Variants in GRIK2 observed in about 807,000 individuals in gnomAD.
The protein encoded by GRIK2 is glutamate receptor ionotropic, kainate 2.
GRIK2 carries 32 observed loss-of-function variants against 100.3 expected under a neutral mutation model. The ratio of observed to expected loss-of-function variants is 0.32; its 90% CI spans 0.24 to 0.43. The LOEUF is 0.43. Ranked by LOEUF, GRIK2 falls within the 20% of genes least tolerant of loss-of-function variation. The pLI, the probability that GRIK2 is intolerant of heterozygous loss-of-function variation, is 1.00. For synonymous variants in GRIK2, 417 were observed against 389.4 expected (o/e 1.07, Z -0.83); for missense variants, 843 against 1,114.9 (o/e 0.76, Z 3.47).
At chr6:101,541,869 T>A (rs1776015087) in intron 2 of GRIK2, among the ~76,000 whole-genome samples, 1 of 151,862 alleles carries the variant, frequency 6.6e-6, no homozygotes, top group Non-Finnish European at 1.5e-5. Context: ...TCTTTTATTC[T>A]CCCACTCTCC....
intron 7 of GRIK2, 143 bp from the exon 8 acceptor site, chr6:101,799,505 T>C: frequency 1.6e-6 from 1 of 635,734 alleles, no homozygotes; most frequent in East Asian, 2.6e-5. Flanking sequence ...CGAGAGCATG[T>C]TAGAGATAAC....
Position 101,494,016 on chromosome 6 carries a change from TA to T in GRIK2, c.115+94629del, listed in dbSNP as rs1371191410. 2.1e-4 allele frequency among the ~76,000 whole-genome samples: 21 copies of T among 100,302 alleles called. No individual in the cohort carries two copies. The East Asian group carries it at 3.4e-3, about 16-fold the overall frequency. 65.8% of individuals were successfully genotyped at this position (100,302 alleles called of 152,430 possible). On this transcript the variant is annotated intron_variant, in intron 2 of 16. Transcript: ENST00000369134. ...ATTATAAAAATGTATATATTATATA[TA>T]AAAATTATATATATAATTTATTATA... is the stretch of plus-strand genomic sequence containing the variant.
intron 14 of GRIK2, among the ~76,000 whole-genome samples, chr6:101,992,312 C>T (rs1159876994): frequency 6.6e-6 from 1 of 151,362 alleles, no homozygotes; most frequent in African/African-American, 2.4e-5. Flanking sequence ...TCTACGTTCT[C>T]AAAGTAAAAA....
At chr6:101,464,454 C>T (rs1489938945) in intron 2 of GRIK2, among the ~76,000 whole-genome samples, 1 of 147,066 alleles carries the variant, frequency 6.8e-6, no homozygotes, top group South Asian at 2.2e-4. Flanking sequence ...TTATAAGTCA[C>T]TGCATTGTGC....
At chr6:101,732,196 A>G (rs1775317438) in intron 7 of GRIK2, among the ~76,000 whole-genome samples, 1 of 151,968 alleles carries the variant, frequency 6.6e-6, no homozygotes, top group Non-Finnish European at 1.5e-5. Flanking sequence ...AATCTAATCA[A>G]TTGATCTAGT....
chr6:101,511,320 G>A (rs1774300823), intron 2 of GRIK2, among the ~76,000 whole-genome samples: 1 of 152,070 alleles, frequency 6.6e-6, no homozygotes, highest in African/African-American at 2.4e-5. Context: ...CTTGGTCTTG[G>A]CTTCCTTGTT....
chr6:101,799,301 G>T (rs1780526917), intron 7 of GRIK2, among the ~76,000 whole-genome samples: 1 of 151,642 alleles, frequency 6.6e-6, no homozygotes, highest in East Asian at 1.9e-4. Flanking sequence ...GTGTGTGTGT[G>T]TGTGTATAAG....
At chr6:101,729,591 T>C (rs1702822424) in intron 7 of GRIK2, among the ~76,000 whole-genome samples, 1 of 152,004 alleles carries the variant, frequency 6.6e-6, no homozygotes, top group African/African-American at 2.4e-5. Context: ...AATGTCCTTA[T>C]TTACTAACTG....
rs771884562 is a variant in GRIK2, at chr6:102,055,342, G to A, written c.2324G>A (p.Arg775Gln). 1.9e-6 allele frequency: 3 copies of A among 1,609,848 alleles called. No individual in the cohort carries two copies. Among genetic ancestry groups the A allele is most frequent in the South Asian group, 2.2e-5 (2 of 90,842 alleles). Residue 775 changes from arginine (R) to glutamine (Q), a missense_variant, in exon 16 of 17, where the codon CGA (arginine) becomes CAA (glutamine). Transcript: ENST00000369134. The part of the protein sequence containing the change: ...GVGTPMGSPY[R>Q]DKITIAILQL... The stretch of plus-strand genomic sequence containing the variant: ...TCTCCTTTCTTAGGTTCTCCATATC[G>A]AGACAAAATTACCATAGCAATTCTT...
chr6:101,623,764 C>A (rs1780294805), intron 3 of GRIK2, among the ~76,000 whole-genome samples: 2 of 152,102 alleles, frequency 1.3e-5, no homozygotes, highest in Admixed American at 1.3e-4. Flanking sequence ...TCCATCATTT[C>A]ACTTTGGCTT....
intron 3 of GRIK2, among the ~76,000 whole-genome samples, chr6:101,624,083 T>A (rs922592518): frequency 2.0e-5 from 3 of 152,122 alleles, no homozygotes; most frequent in African/African-American, 7.2e-5. Flanking sequence ...TTTTTTTCTG[T>A]TATAGTTTTA....
Position 101,591,462 on chromosome 6 carries a change from A to G in GRIK2, c.116-30487A>G, listed in dbSNP as rs569755559. ...TATTGAGGTATTTCTCATGTTTCCA[A>G]TGAAATATTAAACTATGAACCTTTG... On this transcript the variant is annotated intron_variant, in intron 2 of 16. Transcript: ENST00000369134. Among the ~76,000 whole-genome samples the G allele has an allele frequency of 1.5e-3, 231 of 152,108 alleles. 1 individual carries two copies. The highest frequency in any genetic ancestry group is 2.4e-3 in the Non-Finnish European group (161 of 67,970).
intron 7 of GRIK2, among the ~76,000 whole-genome samples, chr6:101,698,994 G>A (rs927639666): frequency 4.6e-5 from 7 of 152,122 alleles, no homozygotes; most frequent in African/African-American, 1.7e-4. Context: ...ACATTCCTGT[G>A]ATAAGTCAAA....
intron 14 of GRIK2, among the ~76,000 whole-genome samples, chr6:102,028,285 A>G (rs987150726): frequency 2.9e-4 from 44 of 151,242 alleles, no homozygotes; most frequent in African/African-American, 1.0e-3. Context: ...ATTTTTGACA[A>G]AAATACATTA....
chr6:101,622,188 A>G (rs1582842266), intron 3 of GRIK2, 72 bp downstream of exon 3: 1 of 843,644 alleles, frequency 1.2e-6, no homozygotes, highest in East Asian at 2.5e-5. Flanking sequence ...AGATTTTTTT[A>G]TTTTTCAACA....
At chr6:101,918,428 T>G (rs117410440) in intron 12 of GRIK2, among the ~76,000 whole-genome samples, 9 of 151,872 alleles carry the variant, frequency 5.9e-5, no homozygotes, top group Non-Finnish European at 8.9e-5. Flanking sequence ...TTAGCTTTTT[T>G]TTCAAAAAAT....
chr6:101,676,039 A>G (rs187934476), intron 4 of GRIK2, among the ~76,000 whole-genome samples: 30 of 152,322 alleles, frequency 2.0e-4, no homozygotes, highest in African/African-American at 7.0e-4. Flanking sequence ...CACAGTGTTC[A>G]TTAAAGGCAA....
At chr6:101,733,146 C>A (rs1195419213) in intron 7 of GRIK2, among the ~76,000 whole-genome samples, 1 of 152,078 alleles carries the variant, frequency 6.6e-6, no homozygotes, top group Non-Finnish European at 1.5e-5. Flanking sequence ...GTTCATTTCA[C>A]CCAAATACCC....
chr6:101,963,203 A>T (rs1479666870), intron 14 of GRIK2, among the ~76,000 whole-genome samples: 1 of 108,340 alleles, frequency 9.2e-6, no homozygotes, highest in African/African-American at 3.4e-5. Flanking sequence ...ATTTTTTGTT[A>T]TTTTCTTTGT....
Sources: allele counts gnomAD v4.1 joint callset (sites outside exome capture counted in the v4.1 genomes callset), GRCh38; gene constraint gnomAD v4.1.1; transcripts MANE v1.5; gene names NCBI Gene and HGNC (gene_info 2026-07-23, HGNC 2026-07-21).